Variants in TNFAIP6 observed in about 807,000 individuals in gnomAD.
TNFAIP6 encodes TNF alpha induced protein 6, also known as tumor necrosis factor-inducible gene 6 protein.
A neutral mutation model predicts 33.7 loss-of-function variants in TNFAIP6; 36 were observed. The ratio of observed to expected loss-of-function variants is 1.07; its 90% CI spans 0.82 to 1.41. The LOEUF is 1.41. TNFAIP6 is among the 40% of genes most tolerant of loss of function. TNFAIP6 has a pLI of 0.00. For synonymous variants in TNFAIP6, 113 were observed against 112.8 expected (o/e 1.00, Z -0.01); for missense variants, 273 against 331.9 (o/e 0.82, Z 1.38).
At chr2:151,361,180 T>G (rs954664917) in intron 1 of TNFAIP6, among the ~76,000 whole-genome samples, 1 of 151,914 alleles carries the variant, frequency 6.6e-6, no homozygotes, top group Non-Finnish European at 1.5e-5. Context: ...GTTCAAGCAA[T>G]TCTCCTGCCT....
intron 2 of TNFAIP6, 135 bp from the exon 3 acceptor site, chr2:151,365,921 T>C (rs946627535): frequency 2.0e-5 from 15 of 745,438 alleles, no homozygotes; most frequent in Non-Finnish European, 3.3e-5. Context: ...AAGGAAGCAA[T>C]TTTCTCCCTT....
At chr2:151,363,823 A>C in intron 1 of TNFAIP6, 120 bp from the exon 2 acceptor site, 1 of 1,285,268 alleles carries the variant, frequency 7.8e-7, no homozygotes, top group Non-Finnish European at 1.0e-6. Context: ...AAGGCAGCCA[A>C]CCCAGAAAGC....
Position 151,379,451 on chromosome 2 carries a change from C to A in TNFAIP6, c.752C>A (p.Ser251Tyr). The stretch of plus-strand genomic sequence containing the variant: ...AAATATGTTGCAATGGATCCTGTAT[C>A]CAAATCCAGTCAAGGAAAAAATACA... ...QIKYVAMDPVSKSSQGKNTST... is the reference protein window; with the variant it reads ...QIKYVAMDPVYKSSQGKNTST... Residue 251 changes from serine (S) to tyrosine (Y), a missense_variant, in exon 6 of 6, where the codon TCC (serine) becomes TAC (tyrosine). Coordinates refer to ENST00000243347, the MANE Select transcript of TNFAIP6 (RefSeq NM_007115.4). 6.2e-7 allele frequency: 1 copy of A among 1,605,854 alleles called. No individual in the cohort carries two copies. Among genetic ancestry groups the A allele is most frequent in the Non-Finnish European group, 8.5e-7 (1 of 1,176,702 alleles).
At chr2:151,364,120 T>G (rs1185780226) in intron 2 of TNFAIP6, 40 bp downstream of exon 2, 1 of 1,600,524 alleles carries the variant, frequency 6.2e-7, no homozygotes, top group African/African-American at 1.3e-5. Flanking sequence ...TTTTTATCCT[T>G]GGAGGAAAAA....
Position 151,366,234 on chromosome 2 carries a change from A to G in TNFAIP6, c.394+17A>G, listed in dbSNP as rs1260450712. On this transcript the variant is annotated intron_variant, in intron 3 of 5. Transcript: ENST00000243347. Reference sequence around the variant, plus strand: ...ACCCACACGGTGTGTTAAAAATAATAATTTTATGTTTTGCAAAAACAGTTC... The same window carrying G: ...ACCCACACGGTGTGTTAAAAATAATGATTTTATGTTTTGCAAAAACAGTTC... The G allele has an allele frequency of 1.2e-6, 2 of 1,609,706 alleles. No individual in the cohort carries two copies. Among genetic ancestry groups the G allele is most frequent in the African/African-American group, 1.3e-5 (1 of 74,810 alleles).
At chr2:151,365,952 C>A in intron 2 of TNFAIP6, 104 bp from the exon 3 acceptor site, 1 of 1,072,376 alleles carries the variant, frequency 9.3e-7, no homozygotes, top group Non-Finnish European at 1.4e-6. Flanking sequence ...TGGATTTGAC[C>A]AGTTAAGAAA....
rs908939173 is a variant in TNFAIP6 at position 151,379,286 on chromosome 2, G to A, written c.665-78G>A. On this transcript the variant is annotated intron_variant, in intron 5 of 5. Coordinates refer to ENST00000243347, the MANE Select transcript of TNFAIP6 (RefSeq NM_007115.4). ...CATGAATTCTTATATTCTCCTATGA[G>A]AATGAAGAGTCTTTGAATTGTCAGC... 3.2e-5 allele frequency: 41 copies of A among 1,293,366 alleles called. No homozygotes were observed. The Middle Eastern group carries it at 5.8e-4, about 18-fold the overall frequency. The allele number at this position is 1,293,366 out of a possible 1,614,324, so 80.1% of individuals were successfully genotyped here. A position where few individuals can be genotyped will look rare whatever the true frequency, so the allele number is the denominator to read the frequency against.
chr2:151,376,877 T>TTTG (rs1684919305), intron 5 of TNFAIP6, among the ~76,000 whole-genome samples: 1 of 146,018 alleles, frequency 6.8e-6, no homozygotes, highest in African/African-American at 2.5e-5. Context: ...TTTTTTTTTT[T>TTTG]TTTTTTTTGT....
intron 5 of TNFAIP6, 78 bp downstream of exon 5, chr2:151,373,667 T>C: frequency 1.4e-6 from 1 of 693,236 alleles, no homozygotes; most frequent in Non-Finnish European, 2.3e-6. Flanking sequence ...CACTGTTAAA[T>C]AGTAAATAGT....
chr2:151,362,231 A>C (rs1684635785), intron 1 of TNFAIP6, among the ~76,000 whole-genome samples: 1 of 152,146 alleles, frequency 6.6e-6, no homozygotes, highest in African/African-American at 2.4e-5. Context: ...TCCAAACTCA[A>C]AACAATCCAT....
intron 5 of TNFAIP6, among the ~76,000 whole-genome samples, chr2:151,374,691 T>G (rs934647287): frequency 2.0e-5 from 3 of 152,252 alleles, no homozygotes; most frequent in Non-Finnish European, 4.4e-5. Context: ...TTAAGAAAGA[T>G]AACCTATTAA....
At chr2:151,371,422 A>G (rs1271071419) in intron 4 of TNFAIP6, among the ~76,000 whole-genome samples, 1 of 152,194 alleles carries the variant, frequency 6.6e-6, no homozygotes, top group Non-Finnish European at 1.5e-5. Context: ...TTTAATGGGG[A>G]AAAAATTGTA....
At chr2:151,364,126 A>G in intron 2 of TNFAIP6, 46 bp downstream of exon 2, 1 of 1,594,376 alleles carries the variant, frequency 6.3e-7, no homozygotes, top group Non-Finnish European at 8.5e-7. Context: ...TCCTTGGAGG[A>G]AAAAAATCCA....
At chr2:151,367,679 C>T (rs1353426068) in intron 3 of TNFAIP6, among the ~76,000 whole-genome samples, 1 of 152,032 alleles carries the variant, frequency 6.6e-6, no homozygotes, top group Non-Finnish European at 1.5e-5. Flanking sequence ...CTCAGAGAGG[C>T]TGAATACACT....
intron 2 of TNFAIP6, 26 bp downstream of exon 2, chr2:151,364,106 T>C: frequency 6.2e-7 from 1 of 1,610,544 alleles, no homozygotes. Flanking sequence ...ATGATTTTTC[T>C]TCTTTTTTAT....
intron 3 of TNFAIP6, among the ~76,000 whole-genome samples, chr2:151,366,837 T>C (rs984522069): frequency 6.6e-6 from 1 of 152,186 alleles, no homozygotes; most frequent in Non-Finnish European, 1.5e-5. Context: ...TATATTTTTA[T>C]TCATATTTTT....
chr2:151,376,860 CTTTTCTTTTTT>C (rs1353471830), intron 5 of TNFAIP6, among the ~76,000 whole-genome samples: 3 of 113,364 alleles, frequency 2.6e-5, no homozygotes, highest in Non-Finnish European at 5.5e-5. Context: ...ATTTCTTTTT[CTTTTCTTTTTT>C]TTTTTTTTTT....
At chr2:151,372,986 A>G (rs997623963) in intron 4 of TNFAIP6, among the ~76,000 whole-genome samples, 11 of 152,186 alleles carry the variant, frequency 7.2e-5, no homozygotes, top group Non-Finnish European at 1.5e-4. Context: ...AAAATTTTCT[A>G]GTTACACAAA....
chr2:151,362,895 C>A, intron 1 of TNFAIP6, among the ~76,000 whole-genome samples: 1 of 152,202 alleles, frequency 6.6e-6, no homozygotes, highest in Non-Finnish European at 1.5e-5. Context: ...TCACTAGTTT[C>A]TTTTGCCTTC....
Sources: gnomAD v4.1 joint callset for allele counts (sites outside exome capture counted in the v4.1 genomes callset) on GRCh38, gnomAD v4.1.1 for gene constraint, MANE v1.5 for transcripts, NCBI Gene and HGNC (gene_info 2026-07-23, HGNC 2026-07-21) for gene names.